Variants in CEACAM3 observed in about 807,000 individuals in gnomAD.
CEACAM3 encodes CEA cell adhesion molecule 3.
A neutral mutation model predicts 30.1 loss-of-function variants in CEACAM3; 32 were observed. The ratio of observed to expected loss-of-function variants is 1.06; its 90% CI spans 0.80 to 1.43. The LOEUF (loss-of-function observed/expected upper bound fraction) is 1.43, where lower values mean the gene tolerates loss of function less well. Ranked by LOEUF, CEACAM3 falls within the 40% of genes most tolerant of loss-of-function variation. The pLI is 0.00. For missense variants in CEACAM3, 290 were observed against 316.3 expected, an observed-to-expected ratio of 0.92 and a Z score of 0.63; for synonymous variants, 134 against 127.2, an observed-to-expected ratio of 1.05 and a Z score of -0.36.
intron 2 of CEACAM3, among the ~76,000 whole-genome samples, chr19:41,800,430 G>A (rs7258053): frequency 0.49 from 74,119 of 151,728 alleles, 21,287 homozygotes; most frequent in Middle Eastern, 0.72. Flanking sequence ...CCCTTTCCCC[G>A]GGAGAGTTTA....
At chr19:41,802,957 C>T (rs2073164067) in intron 2 of CEACAM3, among the ~76,000 whole-genome samples, 1 of 152,156 alleles carries the variant, frequency 6.6e-6, no homozygotes, top group South Asian at 2.1e-4. Context: ...GAACCCTTCC[C>T]TCCCAACACT....
Position 41,797,979 on chromosome 19 carries a change from G to A in CEACAM3, c.424+31G>A, listed in dbSNP as rs151169664. 653 of 1,572,672 alleles carry A rather than the reference G, an allele frequency of 4.2e-4. 7 individuals are homozygous for A. In the East Asian group the frequency reaches 0.012, roughly 29 times the overall value. ...TATTTCCACATGACCTCTGGGTGTT[G>A]GGGGTCAGTTCTACTTCCCACATAT... On this transcript the variant is annotated intron_variant, in intron 2 of 6. Transcript: ENST00000357396.
rs2073110545 is a variant in CEACAM3 at position 41,797,460 on chromosome 19, C to G, written c.65-129C>G. 3.9e-6 allele frequency: 5 copies of G among 1,270,570 alleles called. No individual in the cohort carries two copies. In the East Asian group the frequency reaches 9.3e-5, roughly 24 times the overall value. The allele number at this position is 1,270,570 out of a possible 1,614,324, so 78.7% of individuals were successfully genotyped here. A position where few individuals can be genotyped will look rare whatever the true frequency, so the allele number is the denominator to read the frequency against. ...AAGAAAGAAAGGTCACGTTACTGAC[C>G]TTGACCAAGTGGGACACACATACAC... is the stretch of plus-strand genomic sequence containing the variant. On this transcript the variant is annotated intron_variant, in intron 1 of 6. Coordinates refer to ENST00000357396, the MANE Select transcript of CEACAM3 (RefSeq NM_001815.5).
At chr19:41,807,480 C>G (rs1360516225) in intron 2 of CEACAM3, 1 of 1,395,620 alleles carries the variant, frequency 7.2e-7, no homozygotes, top group Non-Finnish European at 9.5e-7. Context: ...TCCAGGGACT[C>G]AGACTCTCAC....
chr19:41,799,027 T>G (rs533803145), intron 2 of CEACAM3, among the ~76,000 whole-genome samples: 67 of 152,322 alleles, frequency 4.4e-4, no homozygotes, highest in Admixed American at 3.1e-3. Flanking sequence ...CAGTCCTAAG[T>G]TCTCTTTCCT....
At chr19:41,798,792 AT>A (rs1267380941) in intron 2 of CEACAM3, among the ~76,000 whole-genome samples, 24 of 152,338 alleles carry the variant, frequency 1.6e-4, no homozygotes, top group Non-Finnish European at 3.4e-4. Context: ...AGGTCAAGTA[AT>A]TGTAAATATT....
At chr19:41,811,151 G>C (rs538162135) in intron 6 of CEACAM3, 21 bp from the exon 7 acceptor site, 18 of 1,613,232 alleles carry the variant, frequency 1.1e-5, no homozygotes, top group Non-Finnish European at 1.4e-5. Context: ...AGGGGTCCAG[G>C]CCTCTTCTCT....
At chr19:41,805,329 T>C (rs1555826587) in intron 2 of CEACAM3, among the ~76,000 whole-genome samples, 1 of 146,904 alleles carries the variant, frequency 6.8e-6, no homozygotes, top group Non-Finnish European at 1.5e-5. Flanking sequence ...TTTACTCTTG[T>C]CACCCAGGCT....
intron 2 of CEACAM3, among the ~76,000 whole-genome samples, chr19:41,808,046 A>G (rs1336447679): frequency 1.3e-5 from 2 of 152,188 alleles, no homozygotes; most frequent in Non-Finnish European, 2.9e-5. Flanking sequence ...GGATCCCTGG[A>G]GCATAGGCCC....
At chr19:41,803,274 T>C (rs2073166616) in intron 2 of CEACAM3, among the ~76,000 whole-genome samples, 1 of 151,980 alleles carries the variant, frequency 6.6e-6, no homozygotes, top group Non-Finnish European at 1.5e-5. Context: ...AAAGAAATGC[T>C]AGAGATAAAA....
chr19:41,810,397 C>A, intron 5 of CEACAM3, 43 bp downstream of exon 5: 1 of 1,569,832 alleles, frequency 6.4e-7, no homozygotes, highest in South Asian at 1.2e-5. Flanking sequence ...GGGGTCCCAG[C>A]TGTGCAGGCT....
Position 41,797,635 on chromosome 19 carries a change from T to TGTCGCAGTGA in CEACAM3, c.111_112insGTCGCAGTGA (p.Ile38ValfsTer5). The TGTCGCAGTGA allele has an allele frequency of 6.2e-7, 1 of 1,614,170 alleles. No homozygotes were observed. The highest frequency in any genetic ancestry group is 2.2e-5 in the East Asian group (1 of 44,878). Reference sequence around the variant, plus strand: ...ACCCGCCCACCACTGCCAAGCTCACTATTGAATCCATGCCGCTCAGTGTCG... The same window carrying TGTCGCAGTGA: ...ACCCGCCCACCACTGCCAAGCTCACTGTCGCAGTGAATTGAATCCATGCCGCTCAGTGTCG... On this transcript the variant is annotated frameshift_variant, in exon 2 of 7. Transcript: ENST00000357396. LOFTEE classifies it high-confidence loss of function.
At chr19:41,807,103 C>T in intron 2 of CEACAM3, 2 of 1,609,826 alleles carry the variant, frequency 1.2e-6, no homozygotes, top group Non-Finnish European at 1.7e-6. Context: ...TCTCTGTTTT[C>T]TGCACAGCGG....
chr19:41,801,596 G>T (rs980110142), intron 2 of CEACAM3, among the ~76,000 whole-genome samples: 9 of 152,326 alleles, frequency 5.9e-5, no homozygotes, highest in African/African-American at 1.9e-4. Context: ...GGAGGCTTGA[G>T]ATTAGAGTTT....
chr19:41,810,258 G>A (rs964383820), intron 4 of CEACAM3, 65 bp from the exon 5 acceptor site: 12 of 1,558,238 alleles, frequency 7.7e-6, no homozygotes, highest in East Asian at 4.6e-5. Flanking sequence ...GACCCCCTAC[G>A]CCTTCCTGGA....
chr19:41,803,395 C>A (rs2073167347), intron 2 of CEACAM3, among the ~76,000 whole-genome samples: 1 of 150,308 alleles, frequency 6.7e-6, no homozygotes, highest in Non-Finnish European at 1.5e-5. Flanking sequence ...GTAGAAACTT[C>A]CAAAACTGAA....
chr19:41,802,579 G>T (rs73047389), intron 2 of CEACAM3, among the ~76,000 whole-genome samples: 6,777 of 152,264 alleles, frequency 0.045, 232 homozygotes, highest in Non-Finnish European at 0.067. Flanking sequence ...AAACACTCCA[G>T]GGGAGGGATC....
intron 1 of CEACAM3, among the ~76,000 whole-genome samples, 168 bp downstream of exon 1, chr19:41,796,909 T>A (rs1259939974): frequency 2.6e-5 from 4 of 152,226 alleles, no homozygotes; most frequent in Non-Finnish European, 4.4e-5. Flanking sequence ...CACATTGAAC[T>A]GGGATTGATA....
chr19:41,800,413 G>A (rs2073136526), intron 2 of CEACAM3, among the ~76,000 whole-genome samples: 1 of 152,048 alleles, frequency 6.6e-6, no homozygotes, highest in African/African-American at 2.4e-5. Flanking sequence ...ACCGGGAAAG[G>A]GAGTCTCCCT....
Sources: gnomAD v4.1 joint callset for allele counts (sites outside exome capture counted in the v4.1 genomes callset) on GRCh38, gnomAD v4.1.1 for gene constraint, MANE v1.5 for transcripts, NCBI Gene and HGNC (gene_info 2026-07-23, HGNC 2026-07-21) for gene names.